The following TARS1 variants were observed in gnomAD, a reference collection of about 807,000 sequenced individuals.
TARS1 encodes the protein threonine--tRNA ligase 1, cytoplasmic.
TARS1 carries 57 observed loss-of-function variants against 97.7 expected under a neutral mutation model. That is an observed-to-expected ratio of 0.58 (90% CI 0.47 to 0.73). The LOEUF (loss-of-function observed/expected upper bound fraction) is 0.73, where lower values mean the gene tolerates loss of function less well. TARS1 is among the 30% of genes least tolerant of loss of function. The probability of loss-of-function intolerance (pLI) is 0.00; values close to 1 mark genes in which losing one functional copy is unlikely to be tolerated. For synonymous variants in TARS1, 312 were observed against 293.7 expected, an observed-to-expected ratio of 1.06 and a Z score of -0.64; for missense variants, 806 against 888.3, an observed-to-expected ratio of 0.91 and a Z score of 1.18.
intron 1 of TARS1, among the ~76,000 whole-genome samples, chr5:33,443,371 G>T (rs1212942474): frequency 7.9e-6 from 1 of 126,292 alleles, no homozygotes; most frequent in Admixed American, 8.6e-5. Context: ...CACTACCCCT[G>T]TTCATTTGGC....
chr5:33,442,148 G>C (rs1022715787), intron 1 of TARS1, among the ~76,000 whole-genome samples: 1 of 152,130 alleles, frequency 6.6e-6, no homozygotes, highest in Non-Finnish European at 1.5e-5. Context: ...TCCCAAGTCT[G>C]TGACAGGACA....
intron 4 of TARS1, 97 bp from the exon 5 acceptor site, chr5:33,454,848 G>A (rs1741931244): frequency 4.9e-6 from 7 of 1,424,962 alleles, no homozygotes; most frequent in South Asian, 2.9e-5. Context: ...GGGTTTACTT[G>A]TAGTAAATAT....
chr5:33,456,534 A>G (rs190213723), intron 8 of TARS1, among the ~76,000 whole-genome samples: 17 of 152,318 alleles, frequency 1.1e-4, no homozygotes, highest in Admixed American at 9.8e-4. Flanking sequence ...TTTGCCCTTT[A>G]TATGTCTAAA....
chr5:33,456,017 T>G lies in TARS1; in HGVS notation c.709T>G (p.Cys237Gly). The G allele has an allele frequency of 6.2e-7, 1 of 1,613,834 alleles. No individual in the cohort carries two copies. The highest frequency in any genetic ancestry group is 1.3e-5 in the African/African-American group (1 of 75,044). Residue 237 changes from cysteine to glycine, a missense_variant, in exon 7 of 19, where the codon TGC (cysteine) becomes GGC (glycine). This residue lies in a region of TARS1 where 356 missense variants were observed against 357.8 expected (regional missense o/e 0.99). Transcript: ENST00000265112. ...LAMFKYNKFK[C>G]RILNEKVNTP... ...CTGTTTTCAGTACAACAAGTTCAAA[T>G]GCCGGATATTGAATGAAAAGGTGAA...
chr5:33,461,032 G>T lies in TARS1; in HGVS notation c.1381G>T (p.Asp461Tyr). The T allele has an allele frequency of 1.9e-6, 3 of 1,614,136 alleles. No homozygotes were observed. The highest frequency in any genetic ancestry group is 2.5e-6 in the Non-Finnish European group (3 of 1,180,036). Residue 461 changes from aspartate to tyrosine, a missense_variant, in exon 12 of 19, where the codon GAT (aspartate) becomes TAT (tyrosine). Transcript: ENST00000265112. Reference protein sequence around the residue: ...GLTRVRRFQQDDAHIFCAMEQ... With the variant: ...GLTRVRRFQQYDAHIFCAMEQ... ...CACCCGGGTACGAAGATTCCAACAG[G>T]ATGATGCTCACATATTCTGTGCCAT... is the stretch of plus-strand genomic sequence containing the variant.
intron 3 of TARS1, among the ~76,000 whole-genome samples, chr5:33,451,616 A>G (rs550133750): frequency 1.4e-3 from 212 of 151,668 alleles, no homozygotes; most frequent in African/African-American, 4.9e-3. Context: ...CTCGTGATCC[A>G]CCCGCCTCGG....
intron 9 of TARS1, 130 bp from the exon 10 acceptor site, chr5:33,458,436 A>G: frequency 4.8e-6 from 3 of 624,534 alleles, no homozygotes; most frequent in East Asian, 3.1e-5. Flanking sequence ...TCTTTGATTC[A>G]GGAGTGGCAC....
intron 3 of TARS1, among the ~76,000 whole-genome samples, chr5:33,451,485 C>T (rs1206884928): frequency 2.6e-5 from 4 of 151,896 alleles, no homozygotes; most frequent in African/African-American, 4.8e-5. Context: ...CGCCATTCTC[C>T]TGCCTCGGCC....
rs1742260150 is a variant in TARS1 at position 33,460,945 on chromosome 5, C to T, written c.1294C>T (p.Leu432=). The T allele has an allele frequency of 6.2e-7, 1 of 1,614,152 alleles. No individual in the cohort carries two copies. The highest frequency in any genetic ancestry group is 1.3e-5 in the African/African-American group (1 of 75,024). ...HRPRSWRELP[L]RLADFGVLHR... is the part of the protein sequence containing the mutation. The stretch of plus-strand genomic sequence containing the variant: ...GCCAAGGTCCTGGCGAGAACTGCCT[C>T]TGCGGCTAGCTGATTTTGGGGTACT... Residue 432 remains leucine, a synonymous_variant, in exon 12 of 19, where the codon CTG becomes TTG. Transcript: ENST00000265112.
intron 2 of TARS1, among the ~76,000 whole-genome samples, chr5:33,445,639 A>C (rs1741377401): frequency 6.6e-6 from 1 of 152,230 alleles, no homozygotes; most frequent in African/African-American, 2.4e-5. Context: ...AGATGATCTG[A>C]TTGTAGGGTT....
intron 17 of TARS1, among the ~76,000 whole-genome samples, chr5:33,465,237 GT>G (rs1328336834): frequency 6.6e-6 from 1 of 152,174 alleles, no homozygotes; most frequent in African/African-American, 2.4e-5. Context: ...TGTCTTATTT[GT>G]ATGTGAAAAC....
chr5:33,455,498 T>C, intron 5 of TARS1, 89 bp from the exon 6 acceptor site: 5 of 779,570 alleles, frequency 6.4e-6, no homozygotes, highest in Non-Finnish European at 1.0e-5. Context: ...ACCCTTGAAG[T>C]ATTCCAAATA....
intron 3 of TARS1, among the ~76,000 whole-genome samples, chr5:33,449,747 G>A (rs1015885370): frequency 9.9e-5 from 15 of 151,924 alleles, no homozygotes; most frequent in Admixed American, 5.2e-4. Context: ...GACCCACCGC[G>A]CCCAGCCAAA....
chr5:33,451,572 A>G (rs529103069), intron 3 of TARS1, among the ~76,000 whole-genome samples: 4 of 152,170 alleles, frequency 2.6e-5, no homozygotes, highest in South Asian at 4.1e-4. Flanking sequence ...ACGGGGTTTC[A>G]CTGTGTTAGC....
chr5:33,461,562 G>T, intron 13 of TARS1, 105 bp from the exon 14 acceptor site: 1 of 1,199,484 alleles, frequency 8.3e-7, no homozygotes, highest in Non-Finnish European at 1.2e-6. Flanking sequence ...CTAAAGCAGA[G>T]AATATTGATC....
chr5:33,450,374 G>A (rs867561448), intron 3 of TARS1, among the ~76,000 whole-genome samples: 3 of 152,116 alleles, frequency 2.0e-5, no homozygotes, highest in African/African-American at 7.2e-5. Context: ...CTTGGTAAGC[G>A]TATTATACAA....
chr5:33,456,278 T>C lies in TARS1; in HGVS notation c.837+51T>C, dbSNP rs563186716. On this transcript the variant is annotated intron_variant, in intron 8 of 18. Coordinates refer to ENST00000265112, the MANE Select transcript of TARS1 (RefSeq NM_152295.5). ...TGAATGTATCTGTCTAGAATAGATA[T>C]ATGTTTAAACTTTCACTGATTTCTC... is the stretch of plus-strand genomic sequence containing the variant. The C allele has an allele frequency of 1.8e-5, 25 of 1,383,916 alleles. No homozygotes were observed. In the Middle Eastern group the frequency reaches 6.4e-4, roughly 36 times the overall value. 85.7% of individuals were successfully genotyped at this position (1,383,916 alleles called of 1,614,324 possible).
intron 3 of TARS1, chr5:33,452,277 C>CT: frequency 7.9e-7 from 1 of 1,261,022 alleles, no homozygotes. Flanking sequence ...CTGTTATAGA[C>CT]TATTATTTCT....
intron 3 of TARS1, among the ~76,000 whole-genome samples, chr5:33,451,413 C>T (rs965417035): frequency 1.6e-4 from 23 of 145,406 alleles, no homozygotes; most frequent in Non-Finnish European, 1.9e-4. Flanking sequence ...CTCGCTCTGT[C>T]GCCCAGGCTG....
Sources: gnomAD v4.1 joint callset for allele counts (sites outside exome capture counted in the v4.1 genomes callset) on GRCh38, gnomAD v4.1.1 for gene constraint, gnomAD v4.1.1 regional missense constraint, MANE v1.5 for transcripts, NCBI Gene and HGNC (gene_info 2026-07-23, HGNC 2026-07-21) for gene names.